Variants in DDC observed in about 807,000 individuals in gnomAD.
DDC encodes aromatic-L-amino-acid decarboxylase.
Under a neutral mutation model 60.0 loss-of-function variants are expected in DDC, and 43 were observed. That is an observed-to-expected ratio of 0.72 (90% CI 0.56 to 0.92). The LOEUF (loss-of-function observed/expected upper bound fraction) is 0.92, where lower values mean the gene tolerates loss of function less well. Ranked by LOEUF, DDC falls within the 40% of genes least tolerant of loss-of-function variation. The pLI, the probability that DDC is intolerant of heterozygous loss-of-function variation, is 0.00. For synonymous variants in DDC, 232 were observed against 234.6 expected (o/e 0.99, Z 0.10); for missense variants, 573 against 620.2 (o/e 0.92, Z 0.81).
intron 6 of DDC, among the ~76,000 whole-genome samples, chr7:50,521,399 T>C (rs1466464940): frequency 2.0e-5 from 3 of 152,114 alleles, no homozygotes; most frequent in African/African-American, 4.8e-5. Context: ...TTACAGAAAA[T>C]AGAAGCAAAA....
At chr7:50,463,124 GC>G (rs1465931622) in intron 14 of DDC, 88 bp downstream of exon 14, 2 of 1,040,530 alleles carry the variant, frequency 1.9e-6, no homozygotes, top group Admixed American at 4.0e-5. Flanking sequence ...GAGTGGCCGG[GC>G]TGGGCCTGTA....
intron 6 of DDC, among the ~76,000 whole-genome samples, chr7:50,514,534 G>A (rs150443732): frequency 6.6e-6 from 1 of 152,300 alleles, no homozygotes; most frequent in African/African-American, 2.4e-5. Flanking sequence ...AAGCTAATCG[G>A]GGAAGCACCA....
At chr7:50,558,202 G>A (rs565521234) in intron 1 of DDC, among the ~76,000 whole-genome samples, 12 of 151,884 alleles carry the variant, frequency 7.9e-5, no homozygotes, top group East Asian at 1.9e-4. Context: ...GAGACAATTC[G>A]AATTATGTTC....
chr7:50,480,046 A>T, intron 9 of DDC, 183 bp from the exon 10 acceptor site: 2 of 620,880 alleles, frequency 3.2e-6, no homozygotes, highest in Non-Finnish European at 5.7e-6. Context: ...ATAAAAAATA[A>T]ATATTTGGTC....
rs5884158 is a variant in DDC, at chr7:50,553,484, C to CTTTTTTT, written c.-28-9378_-28-9372dup. 4.3e-3 allele frequency among the ~76,000 whole-genome samples: 390 copies of CTTTTTTT among 90,878 alleles called. 1 individual carries two copies. The highest frequency in any genetic ancestry group is 7.2e-3 in the Middle Eastern group (1 of 138). 59.6% of individuals were successfully genotyped at this position (90,878 alleles called of 152,430 possible). ...TTTTTTCTTTTCTTTTCTTTCTTTT[C>CTTTTTTT]TTTTTTTTTTTTTTTTTTTTGAGAT... On this transcript the variant is annotated intron_variant, in intron 1 of 14. Coordinates refer to ENST00000444124, the MANE Select transcript of DDC (RefSeq NM_001082971.2).
chr7:50,491,927 G>A (rs1353031233), intron 9 of DDC, among the ~76,000 whole-genome samples: 1 of 152,166 alleles, frequency 6.6e-6, no homozygotes, highest in Non-Finnish European at 1.5e-5. Context: ...ATTCTTCCAG[G>A]AATGTCCCTA....
At chr7:50,563,167 A>T (rs1361576795) in intron 1 of DDC, among the ~76,000 whole-genome samples, 1 of 1,742 alleles carries the variant, frequency 5.7e-4, no homozygotes, top group African/African-American at 7.8e-3. Context: ...ACTCCATCTC[A>T]AAAAAAAAAA....
chr7:50,469,982 A>AC, intron 12 of DDC, 91 bp downstream of exon 12: 1 of 904,946 alleles, frequency 1.1e-6, no homozygotes, highest in Non-Finnish European at 1.7e-6. Flanking sequence ...TCTGTCTCAA[A>AC]AAAAAAAAAA....
At chr7:50,514,148 G>A (rs770632341) in intron 6 of DDC, among the ~76,000 whole-genome samples, 8 of 152,158 alleles carry the variant, frequency 5.3e-5, no homozygotes, top group Non-Finnish European at 7.3e-5. Flanking sequence ...AGTTCACACT[G>A]AAGGACTCTG....
chr7:50,559,096 T>C (rs943423804), intron 1 of DDC, among the ~76,000 whole-genome samples: 2 of 152,194 alleles, frequency 1.3e-5, no homozygotes, highest in African/African-American at 2.4e-5. Context: ...GTGTAAGCCC[T>C]TTACCTATAT....
At chr7:50,502,375 G>C (rs1046383609) in intron 7 of DDC, among the ~76,000 whole-genome samples, 7 of 152,132 alleles carry the variant, frequency 4.6e-5, no homozygotes, top group Non-Finnish European at 8.8e-5. Context: ...TTGGCCCAGG[G>C]GACAGCAGGC....
In DDC at chr7:50,506,316, T is replaced by C. The variant is rs557001071; in HGVS notation, c.715-2257A>G. Reference sequence around the variant, plus strand: ...TTCAAAGGTGAATTTGCTTTTTTTTTACAAATTTGTTTGAGTTCCACACAC... The same window carrying C: ...TTCAAAGGTGAATTTGCTTTTTTTTCACAAATTTGTTTGAGTTCCACACAC... On this transcript the variant is annotated intron_variant, in intron 6 of 14. Transcript: ENST00000444124. 1.6e-4 allele frequency among the ~76,000 whole-genome samples: 25 copies of C among 152,180 alleles called. No homozygotes were observed. In the South Asian group the frequency reaches 3.5e-3, roughly 21 times the overall value.
chr7:50,486,380 T>C (rs1389562009), intron 9 of DDC, among the ~76,000 whole-genome samples: 4 of 152,102 alleles, frequency 2.6e-5, no homozygotes, highest in Non-Finnish European at 5.9e-5. Context: ...AAGTTTTTGG[T>C]GGTAAGAAAA....
chr7:50,511,070 C>A (rs1189156467), intron 6 of DDC, among the ~76,000 whole-genome samples: 1 of 148,922 alleles, frequency 6.7e-6, no homozygotes, highest in Admixed American at 6.7e-5. Flanking sequence ...CACACACACA[C>A]ACACACACAC....
chr7:50,527,859 A>C (rs543473636), intron 6 of DDC: 97 of 330,726 alleles, frequency 2.9e-4, no homozygotes, highest in Middle Eastern at 1.9e-3. Context: ...ACTTGAATTG[A>C]CAAAACAAAA....
Position 50,539,992 on chromosome 7 carries a change from A to G in DDC, c.238T>C (p.Phe80Leu). The G allele has an allele frequency of 6.2e-7, 1 of 1,613,868 alleles. No homozygotes were observed. The highest frequency in any genetic ancestry group is 8.5e-7 in the Non-Finnish European group (1 of 1,179,846). Reference protein sequence around the residue: ...HWHSPYFFAYFPTASSYPAML... With the variant: ...HWHSPYFFAYLPTASSYPAML... ...GCCGGGTACGAGCTGGCAGTGGGGA[A>G]GTAGGCGAAGAAGTAGGGGCTGTGC... The change falls in exon 3 of 15, where the codon TTC becomes CTC. Residue 80 changes from phenylalanine (F) to leucine (L), a missense_variant. By Grantham distance (22) the Phe-to-Leu change is conservative. Coordinates refer to ENST00000444124, the MANE Select transcript of DDC (RefSeq NM_001082971.2).
In DDC at chr7:50,458,615, C is replaced by CA. The variant is rs2042175998; in HGVS notation, c.*246dup. On this transcript the variant is annotated 3_prime_UTR_variant, in exon 15 of 15. Coordinates refer to ENST00000444124, the MANE Select transcript of DDC (RefSeq NM_001082971.2). ...TGAAAATCTATAATGTTTTAATCAA[C>CA]AAAAATCACAGCTAATGAATAAAAG... The CA allele has an allele frequency of 6.6e-6, 1 of 152,148 alleles. No homozygotes were observed. Among genetic ancestry groups the CA allele is most frequent in the Admixed American group, 6.5e-5 (1 of 15,284 alleles). The allele number at this position is 152,148 out of a possible 1,614,324, so 9.4% of individuals were successfully genotyped here. A position where few individuals can be genotyped will look rare whatever the true frequency, so the allele number is the denominator to read the frequency against.
At chr7:50,490,369 C>T (rs2042972771) in intron 9 of DDC, among the ~76,000 whole-genome samples, 1 of 152,130 alleles carries the variant, frequency 6.6e-6, no homozygotes, top group Non-Finnish European at 1.5e-5. Flanking sequence ...GGGACTGAGG[C>T]TTTTAAAAAG....
At chr7:50,541,190 G>A (rs1225315210) in intron 2 of DDC, among the ~76,000 whole-genome samples, 2 of 152,316 alleles carry the variant, frequency 1.3e-5, no homozygotes, top group African/African-American at 4.8e-5. Flanking sequence ...TGTCCATCCT[G>A]CCTGTGGGAA....
Sources: allele counts gnomAD v4.1 joint callset (sites outside exome capture counted in the v4.1 genomes callset), GRCh38; gene constraint gnomAD v4.1.1; transcripts MANE v1.5; gene names NCBI Gene and HGNC (gene_info 2026-07-23, HGNC 2026-07-21).